The following DOCK5 variants were observed in gnomAD, a reference collection of about 807,000 sequenced individuals.
The protein encoded by DOCK5 is dedicator of cytokinesis protein 5.
DOCK5 carries 142 observed loss-of-function variants against 251.8 expected under a neutral mutation model. That is an observed-to-expected ratio of 0.56 (90% CI 0.49 to 0.65). DOCK5 has a LOEUF of 0.65. Among genes scored for constraint, DOCK5 ranks in the 30% least tolerant of loss-of-function variants. DOCK5 has a pLI of 0.00. For synonymous variants in DOCK5, 842 were observed against 835.5 expected, an observed-to-expected ratio of 1.01 and a Z score of -0.13; for missense variants, 2,111 against 2,312.3, an observed-to-expected ratio of 0.91 and a Z score of 1.79.
At position 25,210,033 on chromosome 8, in the gene DOCK5, T is replaced by TATATATATAAAA. The variant is rs1293166301; in HGVS notation, c.43+25083_43+25084insTATATATAAAAA. On this transcript the variant is annotated intron_variant, in intron 1 of 51. Coordinates refer to ENST00000276440, the MANE Select transcript of DOCK5 (RefSeq NM_024940.8). ...TTATATATATATATATATATATATA[T>TATATATATAAAA]AAATGTGTGTGTGTGTGTGTGTGTG... Among the ~76,000 whole-genome samples, 19 of 22,870 alleles carry TATATATATAAAA rather than the reference T, an allele frequency of 8.3e-4. 7 individuals are homozygous for TATATATATAAAA. The highest frequency in any genetic ancestry group is 1.7e-3 in the African/African-American group (19 of 11,424). The allele number at this position is 22,870 out of a possible 152,430, so 15.0% of individuals were successfully genotyped here. A position where few individuals can be genotyped will look rare whatever the true frequency, so the allele number is the denominator to read the frequency against.
At chr8:25,318,153 ATC>A (rs1415018413) in intron 14 of DOCK5, among the ~76,000 whole-genome samples, 1 of 152,082 alleles carries the variant, frequency 6.6e-6, no homozygotes, top group Admixed American at 6.6e-5. Context: ...CAGTGGCACA[ATC>A]TCTGCCTGCT....
intron 1 of DOCK5, among the ~76,000 whole-genome samples, chr8:25,209,170 A>T (rs79527570): frequency 1.8e-4 from 7 of 38,180 alleles, no homozygotes; most frequent in Non-Finnish European, 3.2e-4. Flanking sequence ...GGAGGCTCAG[A>T]GCACATTAGC....
chr8:25,356,663 T>C (rs117344065), intron 27 of DOCK5, among the ~76,000 whole-genome samples: 1 of 152,036 alleles, frequency 6.6e-6, no homozygotes, highest in Non-Finnish European at 1.5e-5. Flanking sequence ...CGAGACCCTG[T>C]CTCAAAGAAA....
chr8:25,192,693 G>A (rs938387569), intron 1 of DOCK5, among the ~76,000 whole-genome samples: 3 of 152,012 alleles, frequency 2.0e-5, no homozygotes, highest in Non-Finnish European at 4.4e-5. Context: ...TGTTGTTTTC[G>A]TAGACACAGG....
chr8:25,287,793 G>A (rs1337095038), intron 5 of DOCK5, among the ~76,000 whole-genome samples: 7 of 152,078 alleles, frequency 4.6e-5, no homozygotes, highest in African/African-American at 1.7e-4. Context: ...TACAACAGGC[G>A]GGCCTGGGCA....
intron 18 of DOCK5, among the ~76,000 whole-genome samples, chr8:25,331,268 C>CACACAT (rs1554487085): frequency 6.7e-6 from 1 of 149,424 alleles, no homozygotes; most frequent in African/African-American, 2.5e-5. Context: ...CACACACACA[C>CACACAT]ACATATATGT....
rs1800584631 is a variant in DOCK5 at position 25,356,910 on chromosome 8, TATATATATATATATATA to T, written c.2851-2052_2851-2036del. On this transcript the variant is annotated intron_variant, in intron 27 of 51. Coordinates refer to ENST00000276440, the MANE Select transcript of DOCK5 (RefSeq NM_024940.8). ...TTTAAATCCCTCTATATGAAGATTA[TATATATATATATATATA>T]TATATATATATATATATATGCAAAT... 0.022 allele frequency among the ~76,000 whole-genome samples: 18 copies of T among 828 alleles called. 1 individual carries two copies. The Admixed American group carries it at 0.32, about 15-fold the overall frequency. 0.5% of individuals were successfully genotyped at this position (828 alleles called of 152,430 possible).
chr8:25,410,951 G>A (rs2874472), intron 51 of DOCK5, among the ~76,000 whole-genome samples: 1 of 39,678 alleles, frequency 2.5e-5, no homozygotes, highest in African/African-American at 6.1e-5. Context: ...GTGTGTGTGT[G>A]TGTGTGTGTG....
Position 25,414,909 on chromosome 8 carries a change from C to CGTTTTTTTTTTTTTT in DOCK5, c.*3611_*3612insGTTTTTTTTTTTTTT, listed in dbSNP as rs1801684125. 1.0e-5 allele frequency: 1 copy of CGTTTTTTTTTTTTTT among 96,604 alleles called. No individual in the cohort carries two copies. The highest frequency in any genetic ancestry group is 2.0e-5 in the Non-Finnish European group (1 of 50,220). The allele number at this position is 96,604 out of a possible 1,614,324, so 6.0% of individuals were successfully genotyped here. A position where few individuals can be genotyped will look rare whatever the true frequency, so the allele number is the denominator to read the frequency against. On this transcript the variant is annotated 3_prime_UTR_variant, in exon 52 of 52. Coordinates refer to ENST00000276440, the MANE Select transcript of DOCK5 (RefSeq NM_024940.8). ...ATTTGTAGTCAGTCCCTGGGCCTGTCTTTTTTTTTTTTTAATTTTGAAGCT... is the reference window on the plus strand; with the variant it reads ...ATTTGTAGTCAGTCCCTGGGCCTGTCGTTTTTTTTTTTTTTTTTTTTTTTTTTTAATTTTGAAGCT...
At chr8:25,316,960 G>A in intron 13 of DOCK5, 47 bp from the exon 14 acceptor site, 2 of 1,605,490 alleles carry the variant, frequency 1.2e-6, no homozygotes, top group Non-Finnish European at 1.7e-6. Context: ...CTGAAACTTA[G>A]AATGACTTCT....
intron 18 of DOCK5, among the ~76,000 whole-genome samples, chr8:25,326,071 G>T (rs911346374): frequency 6.6e-6 from 1 of 152,070 alleles, no homozygotes; most frequent in Non-Finnish European, 1.5e-5. Context: ...GGATTCATTT[G>T]GTTTTTCCTT....
At chr8:25,226,739 C>T (rs937834624) in intron 1 of DOCK5, among the ~76,000 whole-genome samples, 1 of 152,068 alleles carries the variant, frequency 6.6e-6, no homozygotes, top group Non-Finnish European at 1.5e-5. Flanking sequence ...GCGCCCGCCA[C>T]CACGCCCGGC....
chr8:25,341,293 C>G (rs1390339096), intron 23 of DOCK5, among the ~76,000 whole-genome samples: 1 of 152,100 alleles, frequency 6.6e-6, no homozygotes, highest in Admixed American at 6.6e-5. Context: ...CTACAGGTGA[C>G]AAATTTTTAT....
intron 18 of DOCK5, among the ~76,000 whole-genome samples, chr8:25,326,066 C>A (rs955405940): frequency 1.3e-5 from 2 of 152,168 alleles, no homozygotes; most frequent in African/African-American, 4.8e-5. Context: ...AAGAGGGATT[C>A]ATTTGGTTTT....
intron 45 of DOCK5, among the ~76,000 whole-genome samples, chr8:25,398,948 A>G (rs1029576617): frequency 6.6e-6 from 1 of 152,230 alleles, no homozygotes; most frequent in Non-Finnish European, 1.5e-5. Context: ...TTGCCACGCA[A>G]AATGGGCCAT....
At chr8:25,369,285 A>G (rs879665821) in intron 33 of DOCK5, among the ~76,000 whole-genome samples, 10 of 152,242 alleles carry the variant, frequency 6.6e-5, no homozygotes, top group Admixed American at 1.3e-4. Context: ...TTATTATTCT[A>G]TTTTTATATG....
chr8:25,324,425 A>G (rs1380472069), intron 17 of DOCK5, among the ~76,000 whole-genome samples: 3 of 152,136 alleles, frequency 2.0e-5, no homozygotes, highest in African/African-American at 7.2e-5. Context: ...TTGCCTTCCA[A>G]CTGATGCTGA....
intron 11 of DOCK5, among the ~76,000 whole-genome samples, chr8:25,306,401 A>G (rs1172494642): frequency 6.6e-6 from 1 of 152,188 alleles, no homozygotes; most frequent in Non-Finnish European, 1.5e-5. Flanking sequence ...GTTTAAGTAT[A>G]TTTAATAAAC....
At chr8:25,221,481 G>A (rs1586239483) in intron 1 of DOCK5, among the ~76,000 whole-genome samples, 3 of 152,058 alleles carry the variant, frequency 2.0e-5, no homozygotes, top group Admixed American at 1.3e-4. Flanking sequence ...GCTGATTTTT[G>A]TATTTTTAGT....
Sources: gnomAD v4.1 joint callset for allele counts (sites outside exome capture counted in the v4.1 genomes callset) on GRCh38, gnomAD v4.1.1 for gene constraint, MANE v1.5 for transcripts, NCBI Gene and HGNC (gene_info 2026-07-23, HGNC 2026-07-21) for gene names.